The following ZFAND1 variants were observed in gnomAD, a reference collection of about 807,000 sequenced individuals.
ZFAND1 encodes the protein zinc finger AN1-type containing 1, also known as AN1-type zinc finger protein 1.
Under a neutral mutation model 38.5 loss-of-function variants are expected in ZFAND1, and 40 were observed. The ratio of observed to expected loss-of-function variants is 1.04; its 90% CI spans 0.81 to 1.35. The LOEUF is 1.35. ZFAND1 is among the 40% of genes most tolerant of loss of function. The probability of loss-of-function intolerance (pLI) is 0.00; values close to 1 mark genes in which losing one functional copy is unlikely to be tolerated. For synonymous variants in ZFAND1, 117 were observed against 103.6 expected (o/e 1.13, Z -0.78); for missense variants, 346 against 316.3 (o/e 1.09, Z -0.71).
At chr8:81,717,137 A>G in intron 3 of ZFAND1, 112 bp downstream of exon 3, 1 of 809,186 alleles carries the variant, frequency 1.2e-6, no homozygotes. Flanking sequence ...TAATCAGTTT[A>G]GTATGCCAAA....
Position 81,714,877 on chromosome 8 carries a change from A to T in ZFAND1, c.285T>A (p.Asp95Glu), listed in dbSNP as rs1350793468. 1 of 1,613,954 alleles carries T rather than the reference A, an allele frequency of 6.2e-7. No homozygotes were observed. The highest frequency in any genetic ancestry group is 8.5e-7 in the Non-Finnish European group (1 of 1,179,940). The change falls in exon 5 of 8, where the codon GAT (aspartate) becomes GAA (glutamate). Residue 95 changes from aspartate to glutamate, a missense_variant. Transcript: ENST00000220669. ...GGATTTCCAGTTTTTCACACTCATG[A>T]TCTGACTGATGACGGTGTCTATGAG... ...NFCLRHRHQS[D>E]HECEKLEIPK...
chr8:81,702,768 C>T lies in ZFAND1; in HGVS notation c.734G>A (p.Gly245Asp), dbSNP rs1488748692. ...IAKEDCPLYN[G>D]GNIILEYLND... ...AAGATATTCCAAGATTATATTTCCACCATTATATAAAGGACAATCCTCCTT... is the reference window on the plus strand; with the variant it reads ...AAGATATTCCAAGATTATATTTCCATCATTATATAAAGGACAATCCTCCTT... Residue 245 changes from glycine (G) to aspartate (D), a missense_variant, in exon 8 of 8, where the codon GGT (glycine) becomes GAT (aspartate). Physicochemically the swap from Gly to Asp is moderately conservative, Grantham distance 94 (BLOSUM62 -1). Coordinates refer to ENST00000220669, the MANE Select transcript of ZFAND1 (RefSeq NM_024699.3). The T allele has an allele frequency of 8.1e-6, 13 of 1,605,140 alleles. No individual in the cohort carries two copies. Among genetic ancestry groups the T allele is most frequent in the Non-Finnish European group, 1.1e-5 (13 of 1,176,202 alleles).
At position 81,721,275 on chromosome 8, in the gene ZFAND1, C is replaced by G; in HGVS notation, c.7G>C (p.Glu3Gln). The G allele has an allele frequency of 1.3e-6, 2 of 1,549,024 alleles. No homozygotes were observed. The highest frequency in any genetic ancestry group is 1.7e-6 in the Non-Finnish European group (2 of 1,147,088). The change falls in exon 1 of 8, where the codon GAG becomes CAG. Residue 3 changes from glutamate to glutamine, a missense_variant. Physicochemically the swap from Glu to Gln is conservative, Grantham distance 29. Coordinates refer to ENST00000220669, the MANE Select transcript of ZFAND1 (RefSeq NM_024699.3). The stretch of plus-strand genomic sequence containing the variant: ...TGGCAGTGCTGCCCGATGTCCAACT[C>G]CGCCATCTCTCCGGCGCCGTAAGGG... MA[E>Q]LDIGQHCQVE... is the part of the protein sequence containing the mutation.
chr8:81,713,103 T>C (rs563964792), intron 6 of ZFAND1, among the ~76,000 whole-genome samples: 2 of 142,466 alleles, frequency 1.4e-5, no homozygotes, highest in Admixed American at 1.5e-4. Flanking sequence ...CAATCTTTTT[T>C]TGTTTGTTCG....
chr8:81,713,816 T>C (rs1808214786), intron 6 of ZFAND1, 102 bp downstream of exon 6: 3 of 1,153,562 alleles, frequency 2.6e-6, no homozygotes, highest in Admixed American at 1.9e-5. Flanking sequence ...GAATGATACA[T>C]ACCAGGTTTA....
Position 81,713,936 on chromosome 8 carries a change from G to A in ZFAND1, c.462C>T (p.Gly154=), listed in dbSNP as rs370810052. Reference sequence around the variant, plus strand: ...GACCAACCTGTGGTAATGACTTATCGCCATCAGCATGCATCTTTAATTTCA... The same window carrying A: ...GACCAACCTGTGGTAATGACTTATCACCATCAGCATGCATCTTTAATTTCA... ...ALMKLKMHAD[G]DKSLPQTERI... Residue 154 remains glycine (G), a synonymous_variant, in exon 6 of 8, where the codon GGC becomes GGT. Transcript: ENST00000220669. The A allele has an allele frequency of 4.3e-6, 7 of 1,612,322 alleles. No homozygotes were observed. Among genetic ancestry groups the A allele is most frequent in the Middle Eastern group, 1.6e-4 (1 of 6,078 alleles).
chr8:81,709,942 T>C (rs1032098863), intron 6 of ZFAND1, among the ~76,000 whole-genome samples: 12 of 152,242 alleles, frequency 7.9e-5, no homozygotes, highest in Non-Finnish European at 8.8e-5. Context: ...GTAAGTCTTA[T>C]AGAAGTTTTT....
At chr8:81,717,584 T>G (rs539977456) in intron 2 of ZFAND1, among the ~76,000 whole-genome samples, 5 of 152,262 alleles carry the variant, frequency 3.3e-5, no homozygotes, top group African/African-American at 1.2e-4. Flanking sequence ...TTCTAAAAGA[T>G]CATCAGTAGT....
At chr8:81,709,522 T>C (rs1215192312) in intron 6 of ZFAND1, among the ~76,000 whole-genome samples, 1 of 152,118 alleles carries the variant, frequency 6.6e-6, no homozygotes, top group Admixed American at 6.6e-5. Context: ...TTTGCACACA[T>C]ATACAAGTAG....
At chr8:81,708,946 G>T in intron 6 of ZFAND1, 1 of 307,436 alleles carries the variant, frequency 3.3e-6, no homozygotes, top group Non-Finnish European at 5.4e-6. Flanking sequence ...AATTTGATTC[G>T]AAATGTGAAT....
chr8:81,719,058 G>T (rs1254822660), intron 1 of ZFAND1, among the ~76,000 whole-genome samples: 1 of 151,872 alleles, frequency 6.6e-6, no homozygotes, highest in Non-Finnish European at 1.5e-5. Context: ...CGACCTCACA[G>T]TGTACTTACA....
chr8:81,701,507 G>A lies in ZFAND1; in HGVS notation c.*1188C>T, dbSNP rs911681985. ...ACTCCAATATTTGCTTTGTGTGGTA[G>A]TCTGAAACTGAACCCACAATATTTC... On this transcript the variant is annotated 3_prime_UTR_variant, in exon 8 of 8. Transcript: ENST00000220669. 2.0e-5 allele frequency: 3 copies of A among 152,106 alleles called. No individual in the cohort carries two copies. Among genetic ancestry groups the A allele is most frequent in the African/African-American group, 4.8e-5 (2 of 41,416 alleles). The allele number at this position is 152,106 out of a possible 1,614,324, so 9.4% of individuals were successfully genotyped here. A position where few individuals can be genotyped will look rare whatever the true frequency, so the allele number is the denominator to read the frequency against.
chr8:81,703,912 A>T (rs1563602386), intron 6 of ZFAND1, among the ~76,000 whole-genome samples: 2 of 152,200 alleles, frequency 1.3e-5, no homozygotes, highest in Non-Finnish European at 2.9e-5. Flanking sequence ...TCCTGAATTC[A>T]TCCCCTAAGA....
rs1268638547 is a variant in ZFAND1, at chr8:81,701,881, T to G, written c.*814A>C. The G allele has an allele frequency of 2.6e-5, 4 of 152,226 alleles. No individual in the cohort carries two copies. The East Asian group carries it at 7.7e-4, about 29-fold the overall frequency. 9.4% of individuals were successfully genotyped at this position (152,226 alleles called of 1,614,324 possible). ...ATAGATAGTAAACACTAGTCAAGAA[T>G]ACTCGTCTAAATATGTTGGTAAAAT... is the stretch of plus-strand genomic sequence containing the variant. On this transcript the variant is annotated 3_prime_UTR_variant, in exon 8 of 8. Coordinates refer to ENST00000220669, the MANE Select transcript of ZFAND1 (RefSeq NM_024699.3).
chr8:81,706,895 G>A (rs1052742402), intron 6 of ZFAND1, among the ~76,000 whole-genome samples: 3 of 151,620 alleles, frequency 2.0e-5, no homozygotes, highest in East Asian at 3.9e-4. Flanking sequence ...AACAAAAACC[G>A]TAAAATAAGT....
Position 81,715,030 on chromosome 8 carries a change from C to G in ZFAND1, c.223G>C (p.Val75Leu). The G allele has an allele frequency of 6.2e-7, 1 of 1,614,120 alleles. No individual in the cohort carries two copies. Among genetic ancestry groups the G allele is most frequent in the Non-Finnish European group, 8.5e-7 (1 of 1,179,982 alleles). Residue 75 changes from valine to leucine, a missense_variant, in exon 4 of 8, where the codon GTG (valine) becomes CTG (leucine). Transcript: ENST00000220669. ...TCACAATAAGGACATATAACTGCCACAAGTTCTCTCTCAGCACAGTCTTTG... is the reference window on the plus strand; with the variant it reads ...TCACAATAAGGACATATAACTGCCAGAAGTTCTCTCTCAGCACAGTCTTTG... ...SFKDCAERELVAVICPYCEKN... is the reference protein window; with the variant it reads ...SFKDCAERELLAVICPYCEKN...
intron 6 of ZFAND1, among the ~76,000 whole-genome samples, chr8:81,710,680 A>G (rs1201601947): frequency 4.6e-5 from 7 of 152,208 alleles, no homozygotes; most frequent in Non-Finnish European, 1.0e-4. Flanking sequence ...AGCGATGAAA[A>G]AATTACATAC....
At chr8:81,715,730 G>A in intron 3 of ZFAND1, among the ~76,000 whole-genome samples, 1 of 151,922 alleles carries the variant, frequency 6.6e-6, no homozygotes, top group East Asian at 1.9e-4. Flanking sequence ...GTAAACGTAG[G>A]GAAATAATTG....
At chr8:81,714,925 C>A (rs953300667) in intron 4 of ZFAND1, 30 bp from the exon 5 acceptor site, 1 of 1,613,978 alleles carries the variant, frequency 6.2e-7, no homozygotes, top group Non-Finnish European at 8.5e-7. Context: ...GACACTAGTT[C>A]ATGTGTTTGT....
Sources: gnomAD v4.1 joint callset for allele counts (sites outside exome capture counted in the v4.1 genomes callset) on GRCh38, gnomAD v4.1.1 for gene constraint, MANE v1.5 for transcripts, NCBI Gene and HGNC (gene_info 2026-07-23, HGNC 2026-07-21) for gene names.